SENP7: variants seen among roughly 807,000 people sequenced by gnomAD.
SENP7 encodes sentrin-specific protease 7.
A neutral mutation model predicts 141.2 loss-of-function variants in SENP7; 64 were observed. The observed-to-expected ratio is 0.45, with a 90% CI of 0.37 to 0.56. SENP7 has a LOEUF of 0.56. Ranked by LOEUF, SENP7 falls within the 20% of genes least tolerant of loss-of-function variation. The pLI, the probability that SENP7 is intolerant of heterozygous loss-of-function variation, is 0.00. For missense variants in SENP7, 1,025 were observed against 1,212.2 expected (o/e 0.85, Z 2.29); for synonymous variants, 382 against 426.4 (o/e 0.90, Z 1.28).
At chr3:101,489,999 A>C (rs538583162) in intron 3 of SENP7, among the ~76,000 whole-genome samples, 1 of 152,320 alleles carries the variant, frequency 6.6e-6, no homozygotes, top group South Asian at 2.1e-4. Flanking sequence ...AGCCTGACCA[A>C]CATGGATAAA....
At chr3:101,413,913 TA>T (rs1559788769) in intron 5 of SENP7, among the ~76,000 whole-genome samples, 1 of 152,162 alleles carries the variant, frequency 6.6e-6, no homozygotes, top group African/African-American at 2.4e-5. Context: ...TGTGCCAAAC[TA>T]AGAAGTTTGA....
intron 10 of SENP7, among the ~76,000 whole-genome samples, chr3:101,362,115 C>T (rs975182311): frequency 6.6e-6 from 1 of 152,116 alleles, no homozygotes; most frequent in African/African-American, 2.4e-5. Context: ...AATATATACT[C>T]CTCTGTATCA....
chr3:101,465,244 G>A (rs899633372), intron 3 of SENP7, among the ~76,000 whole-genome samples: 11 of 151,892 alleles, frequency 7.2e-5, no homozygotes, highest in Admixed American at 1.3e-4. Flanking sequence ...CCTCACCCCC[G>A]CCACTGGCTC....
At chr3:101,405,632 G>A (rs1251413641) in intron 5 of SENP7, among the ~76,000 whole-genome samples, 2 of 152,156 alleles carry the variant, frequency 1.3e-5, no homozygotes, top group Non-Finnish European at 2.9e-5. Context: ...AGCTAATCAG[G>A]GAGGCACCAA....
intron 5 of SENP7, among the ~76,000 whole-genome samples, chr3:101,409,958 T>C (rs915228389): frequency 2.0e-5 from 3 of 152,130 alleles, no homozygotes; most frequent in African/African-American, 7.2e-5. Context: ...ACTAAAGAGC[T>C]TTTGCATACC....
chr3:101,422,603 A>G (rs2061823291), intron 4 of SENP7, among the ~76,000 whole-genome samples: 1 of 152,258 alleles, frequency 6.6e-6, no homozygotes, highest in East Asian at 1.9e-4. Flanking sequence ...GCTTTTTAGA[A>G]CCATCCAACT....
chr3:101,445,518 G>A (rs536967932), intron 4 of SENP7, among the ~76,000 whole-genome samples: 1 of 151,592 alleles, frequency 6.6e-6, no homozygotes, highest in South Asian at 2.1e-4. Flanking sequence ...AAAACAATCA[G>A]AGAGCTAACA....
chr3:101,333,739 T>C lies in SENP7; in HGVS notation c.2481-877A>G, dbSNP rs58539443. Among the ~76,000 whole-genome samples the C allele has an allele frequency of 6.1e-3, 921 of 152,182 alleles. 6 individuals carry two copies. The highest frequency in any genetic ancestry group is 0.021 in the African/African-American group (887 of 41,532). ...TTATTAGGTTCCTAAAAACAAATAA[T>C]GAAAGTCACCTACACTGCCCTAGAA... On this transcript the variant is annotated intron_variant, in intron 17 of 23. Transcript: ENST00000394095.
At chr3:101,332,699 A>C in intron 18 of SENP7, 71 bp downstream of exon 18, 1 of 999,276 alleles carries the variant, frequency 1.0e-6, no homozygotes, top group Non-Finnish European at 1.4e-6. Flanking sequence ...ACTGATTATG[A>C]ATCTAAAAAC....
Position 101,343,947 on chromosome 3 carries a change from A to G in SENP7, c.1845T>C (p.Ser615=), listed in dbSNP as rs144130703. The part of the protein sequence containing the change: ...EHSVLSQQSK[S]SEFIFLELHN... ...GTAGTTCAAGGAAAATGAATTCACT[A>G]GATTTTGCTACAAAAGGAAAAAATA... The change falls in exon 14 of 24, where the codon TCT becomes TCC. Residue 615 remains serine, a synonymous_variant. Coordinates refer to ENST00000394095, the MANE Select transcript of SENP7 (RefSeq NM_020654.5). 1.4e-3 allele frequency: 2,154 copies of G among 1,561,504 alleles called. 15 individuals are homozygous for G. Among genetic ancestry groups the G allele is most frequent in the Middle Eastern group, 3.0e-3 (17 of 5,758 alleles).
intron 8 of SENP7, 29 bp downstream of exon 8, chr3:101,367,801 T>C (rs2060077059): frequency 1.5e-6 from 2 of 1,348,092 alleles, no homozygotes; most frequent in Admixed American, 4.8e-5. Context: ...TGAAATTATT[T>C]CCTATAATAT....
intron 1 of SENP7, among the ~76,000 whole-genome samples, chr3:101,502,327 G>A (rs1381001690): frequency 6.6e-6 from 1 of 152,172 alleles, no homozygotes; most frequent in East Asian, 1.9e-4. Context: ...TTTTTGAGAT[G>A]GAGTTTCACT....
intron 3 of SENP7, among the ~76,000 whole-genome samples, chr3:101,484,103 T>C (rs1050236397): frequency 1.3e-5 from 2 of 152,054 alleles, no homozygotes; most frequent in East Asian, 1.9e-4. Flanking sequence ...GAAGATAACA[T>C]AGGAGAAAAT....
chr3:101,361,408 C>G (rs959230222), intron 11 of SENP7, among the ~76,000 whole-genome samples: 1 of 152,038 alleles, frequency 6.6e-6, no homozygotes, highest in Non-Finnish European at 1.5e-5. Flanking sequence ...TCTTTATGCT[C>G]CAAACTATAC....
At chr3:101,376,723 A>T (rs1472347566) in intron 6 of SENP7, among the ~76,000 whole-genome samples, 1 of 152,202 alleles carries the variant, frequency 6.6e-6, no homozygotes, top group Non-Finnish European at 1.5e-5. Flanking sequence ...AACATGGCAC[A>T]TGTATACATA....
intron 5 of SENP7, among the ~76,000 whole-genome samples, chr3:101,405,082 G>A (rs1458846054): frequency 6.6e-6 from 1 of 152,136 alleles, no homozygotes; most frequent in African/African-American, 2.4e-5. Context: ...AGCAGCATGT[G>A]GAAGCTCGCA....
At chr3:101,350,391 A>G (rs753452325) in intron 12 of SENP7, among the ~76,000 whole-genome samples, 1 of 152,084 alleles carries the variant, frequency 6.6e-6, no homozygotes, top group African/African-American at 2.4e-5. Context: ...AAACATTTAG[A>G]CCCTCAGGTT....
intron 18 of SENP7, among the ~76,000 whole-genome samples, chr3:101,332,420 G>A (rs1375313711): frequency 6.6e-6 from 1 of 151,928 alleles, no homozygotes; most frequent in African/African-American, 2.4e-5. Context: ...ATTGGTGCTT[G>A]AAGAGTTTGT....
intron 4 of SENP7, among the ~76,000 whole-genome samples, chr3:101,426,764 G>C (rs191452961): frequency 6.6e-6 from 1 of 152,168 alleles, no homozygotes; most frequent in Non-Finnish European, 1.5e-5. Flanking sequence ...TTACAGGCAT[G>C]AGCCATGGCA....
Sources: allele counts gnomAD v4.1 joint callset (sites outside exome capture counted in the v4.1 genomes callset), GRCh38; gene constraint gnomAD v4.1.1; transcripts MANE v1.5; gene names NCBI Gene and HGNC (gene_info 2026-07-23, HGNC 2026-07-21).